RNLS: variants seen among roughly 807,000 people sequenced by gnomAD.
The protein encoded by RNLS is renalase, FAD dependent amine oxidase, also known as renalase.
A neutral mutation model predicts 39.8 loss-of-function variants in RNLS; 39 were observed. That is an observed-to-expected ratio of 0.98 (90% CI 0.76 to 1.28). The LOEUF (loss-of-function observed/expected upper bound fraction) is 1.28, where lower values mean the gene tolerates loss of function less well. Ranked by LOEUF, RNLS falls within the 50% of genes most tolerant of loss-of-function variation. RNLS has a pLI of 0.00. For synonymous variants in RNLS, 147 were observed against 150.7 expected (o/e 0.98, Z 0.18); for missense variants, 410 against 413.3 (o/e 0.99, Z 0.07).
intron 4 of RNLS, among the ~76,000 whole-genome samples, chr10:88,478,388 A>G (rs1843944929): frequency 6.6e-6 from 1 of 152,166 alleles, no homozygotes; most frequent in African/African-American, 2.4e-5. Context: ...CTAGCTTGCC[A>G]GTATTTTATC....
the RNLS span, among the ~76,000 whole-genome samples, chr10:88,257,604 C>T: frequency 6.6e-6 from 1 of 152,100 alleles, no homozygotes; most frequent in African/African-American, 2.4e-5. Context: ...TCCCTAGAGC[C>T]TAGTTTCTAA....
intron 4 of RNLS, among the ~76,000 whole-genome samples, chr10:88,441,156 ATTC>A (rs1263454141): frequency 6.6e-6 from 1 of 152,154 alleles, no homozygotes; most frequent in African/African-American, 2.4e-5. Context: ...TCAGGGGAAA[ATTC>A]TTCTTTTCTA....
chr10:88,213,097 C>A, the RNLS span, among the ~76,000 whole-genome samples: 20 of 152,136 alleles, frequency 1.3e-4, no homozygotes, highest in Non-Finnish European at 2.9e-5. Context: ...GGACTAGTTG[C>A]GGTTTGGGAG....
At chr10:88,553,518 T>A (rs1443103857) in intron 4 of RNLS, among the ~76,000 whole-genome samples, 1 of 152,160 alleles carries the variant, frequency 6.6e-6, no homozygotes, top group East Asian at 1.9e-4. Context: ...ATCTTAAGAA[T>A]CTAATGGTAA....
At chr10:88,552,581 A>T (rs1272292734) in intron 4 of RNLS, among the ~76,000 whole-genome samples, 1 of 152,244 alleles carries the variant, frequency 6.6e-6, no homozygotes, top group Non-Finnish European at 1.5e-5. Flanking sequence ...GTTACTGATT[A>T]AAATATTTTA....
intron 4 of RNLS, among the ~76,000 whole-genome samples, chr10:88,378,264 T>C (rs752400420): frequency 1.3e-5 from 2 of 152,120 alleles, no homozygotes; most frequent in Non-Finnish European, 2.9e-5. Flanking sequence ...AAATATGGTA[T>C]TGGAGCTCAG....
chr10:88,366,541 G>T (rs549551381), intron 4 of RNLS, among the ~76,000 whole-genome samples: 59 of 151,550 alleles, frequency 3.9e-4, no homozygotes, highest in African/African-American at 1.4e-3. Context: ...CTTGTACTAG[G>T]TCCCAATAGT....
At chr10:88,338,470 A>G (rs12221213) in intron 5 of RNLS, among the ~76,000 whole-genome samples, 22,164 of 152,290 alleles carry the variant, frequency 0.15, 1,749 homozygotes, top group East Asian at 0.34. Context: ...CAAGTGATTC[A>G]CAAGCGTCAC....
At position 88,491,458 on chromosome 10, in the gene RNLS, AT is replaced by A. The variant is rs1285523725; in HGVS notation, c.526+81444del. 5.3e-5 allele frequency among the ~76,000 whole-genome samples: 8 copies of A among 152,272 alleles called. No homozygotes were observed. In the East Asian group the frequency reaches 1.5e-3, roughly 29 times the overall value. On this transcript the variant is annotated intron_variant, in intron 4 of 6. Transcript: ENST00000331772. ...TTGCTTTTCAGGAAGTTATAAACCTATAAAAACTAGGCCTAAAAATATCTAG... is the reference window on the plus strand; with the variant it reads ...TTGCTTTTCAGGAAGTTATAAACCTAAAAAACTAGGCCTAAAAATATCTAG...
At chr10:88,534,023 G>A (rs552709067) in intron 4 of RNLS, among the ~76,000 whole-genome samples, 2 of 151,846 alleles carry the variant, frequency 1.3e-5, no homozygotes, top group East Asian at 1.9e-4. Flanking sequence ...GGAAGAGAAG[G>A]TGTGATTAGA....
intron 5 of RNLS, among the ~76,000 whole-genome samples, chr10:88,319,383 T>A (rs1419008645): frequency 6.6e-6 from 1 of 152,142 alleles, no homozygotes; most frequent in Non-Finnish European, 1.5e-5. Context: ...TAGAGTGGAT[T>A]GACACCTCCA....
chr10:88,351,907 A>G (rs1407339859), intron 5 of RNLS, among the ~76,000 whole-genome samples: 1 of 152,182 alleles, frequency 6.6e-6, no homozygotes, highest in East Asian at 1.9e-4. Context: ...TTCTCCTTGA[A>G]GAGGTCCTTC....
intron 3 of RNLS, among the ~76,000 whole-genome samples, chr10:88,581,152 T>C (rs1276915548): frequency 6.6e-6 from 1 of 151,820 alleles, no homozygotes; most frequent in African/African-American, 2.4e-5. Flanking sequence ...TTAAAGAAAA[T>C]GGATTACACT....
chr10:88,324,596 A>G (rs1846442660), intron 5 of RNLS, among the ~76,000 whole-genome samples: 1 of 152,168 alleles, frequency 6.6e-6, no homozygotes, highest in South Asian at 2.1e-4. Flanking sequence ...GAGAGTTGAA[A>G]AATTCCCTAT....
the RNLS span, among the ~76,000 whole-genome samples, chr10:88,174,895 C>G: frequency 6.6e-6 from 1 of 152,108 alleles, no homozygotes; most frequent in Non-Finnish European, 1.5e-5. Context: ...TTGTGGACTT[C>G]TCTTTGTTGG....
the RNLS span, among the ~76,000 whole-genome samples, chr10:88,246,012 G>A: frequency 6.6e-6 from 1 of 152,128 alleles, no homozygotes; most frequent in Admixed American, 6.5e-5. Flanking sequence ...ACTTTGTTTT[G>A]GCTAGAATTG....
At chr10:88,267,910 A>T in the RNLS span, among the ~76,000 whole-genome samples, 1 of 152,196 alleles carries the variant, frequency 6.6e-6, no homozygotes, top group African/African-American at 2.4e-5. Context: ...TCCCAGAGAA[A>T]TTTTGATTTT....
intron 6 of RNLS, among the ~76,000 whole-genome samples, chr10:88,288,562 C>T (rs2132639353): frequency 6.6e-6 from 1 of 152,202 alleles, no homozygotes; most frequent in Non-Finnish European, 1.5e-5. Flanking sequence ...TGATACATTC[C>T]TGTTGACATC....
intron 5 of RNLS, among the ~76,000 whole-genome samples, chr10:88,351,423 G>C (rs944495599): frequency 6.6e-6 from 1 of 152,144 alleles, no homozygotes; most frequent in Non-Finnish European, 1.5e-5. Context: ...GTAAGGAAGG[G>C]ATCCAGTTTC....
Sources: gnomAD v4.1 joint callset for allele counts (sites outside exome capture counted in the v4.1 genomes callset) on GRCh38, gnomAD v4.1.1 for gene constraint, MANE v1.5 for transcripts, NCBI Gene and HGNC (gene_info 2026-07-23, HGNC 2026-07-21) for gene names.